Variants in ZGRF1 observed in about 807,000 individuals in gnomAD.
ZGRF1 encodes the protein 5'-3' DNA helicase ZGRF1.
Under a neutral mutation model 203.5 loss-of-function variants are expected in ZGRF1, and 196 were observed. The observed-to-expected ratio is 0.96, with a 90% CI of 0.86 to 1.08. ZGRF1 has a LOEUF of 1.08. Among genes scored for constraint, ZGRF1 ranks in the 50% least tolerant of loss-of-function variants. The pLI is 0.00. For synonymous variants in ZGRF1, 809 were observed against 841.3 expected (o/e 0.96, Z 0.66); for missense variants, 2,326 against 2,416.3 (o/e 0.96, Z 0.78).
chr4:112,558,532 T>G (rs1741377736), intron 19 of ZGRF1, among the ~76,000 whole-genome samples: 1 of 152,144 alleles, frequency 6.6e-6, no homozygotes, highest in Admixed American at 6.5e-5. Context: ...CACACCTGGC[T>G]AATTTTTGTA....
rs377410206 is a variant in ZGRF1, at chr4:112,579,457, A to C, written c.4438+2206T>G. ...CAACAGAAGGAAATAAAGGGTATTC[A>C]ATTAGGAAAAGAGGAAGTTAAATTG... On this transcript the variant is annotated intron_variant, in intron 16 of 27. Transcript: ENST00000505019. Among the ~76,000 whole-genome samples, 2 of 122,444 alleles carry C rather than the reference A, an allele frequency of 1.6e-5. 1 individual carries two copies. Among genetic ancestry groups the C allele is most frequent in the Non-Finnish European group, 3.6e-5 (2 of 55,008 alleles). The allele number at this position is 122,444 out of a possible 152,430, so 80.3% of individuals were successfully genotyped here. A position where few individuals can be genotyped will look rare whatever the true frequency, so the allele number is the denominator to read the frequency against.
rs1447116830 is a variant in ZGRF1 at position 112,618,354 on chromosome 4, A to G, written c.1688T>C (p.Ile563Thr). 4.3e-6 allele frequency: 7 copies of G among 1,613,780 alleles called. No individual in the cohort carries two copies. Among genetic ancestry groups the G allele is most frequent in the Non-Finnish European group, 5.1e-6 (6 of 1,179,914 alleles). Reference protein sequence around the residue: ...SQDSESWVKDILVNDGNSCFQ... With the variant: ...SQDSESWVKDTLVNDGNSCFQ... ...ACATGAATTGCCATCATTAACCAAA[A>G]TGTCCTTTACCCAACTCTCTGAATC... is the stretch of plus-strand genomic sequence containing the variant. Residue 563 changes from isoleucine (I) to threonine (T), a missense_variant, in exon 6 of 28, where the codon ATT (isoleucine) becomes ACT (threonine). Transcript: ENST00000505019.
At chr4:112,564,437 TATC>T (rs1170220406) in intron 16 of ZGRF1, among the ~76,000 whole-genome samples, 1 of 152,220 alleles carries the variant, frequency 6.6e-6, no homozygotes, top group African/African-American at 2.4e-5. Context: ...GGACAAAATC[TATC>T]AAATTGGATT....
intron 16 of ZGRF1, among the ~76,000 whole-genome samples, chr4:112,575,801 CA>C (rs1011846833): frequency 1.3e-5 from 2 of 152,200 alleles, no homozygotes; most frequent in Admixed American, 6.5e-5. Flanking sequence ...GGGTGGAGCC[CA>C]CCGCAGCTCA....
chr4:112,600,552 G>A (rs1438738094), intron 10 of ZGRF1, among the ~76,000 whole-genome samples: 3 of 151,934 alleles, frequency 2.0e-5, no homozygotes, highest in African/African-American at 7.3e-5. Context: ...ATTAGCTGGC[G>A]TGGTGGTGGG....
At chr4:112,635,855 A>C (rs2047601224) in intron 1 of ZGRF1, among the ~76,000 whole-genome samples, 2 of 151,944 alleles carry the variant, frequency 1.3e-5, no homozygotes, top group South Asian at 4.1e-4. Context: ...TGCAAGATAA[A>C]TTCTCCATTA....
chr4:112,609,466 G>A (rs1403959297), intron 7 of ZGRF1, 37 bp from the exon 8 acceptor site: 3 of 1,127,234 alleles, frequency 2.7e-6, no homozygotes, highest in East Asian at 5.2e-5. Context: ...TAAACTAATA[G>A]GCAATAATAA....
intron 3 of ZGRF1, among the ~76,000 whole-genome samples, chr4:112,629,450 G>A (rs562203271): frequency 3.4e-4 from 51 of 152,172 alleles, no homozygotes; most frequent in Non-Finnish European, 4.9e-4. Flanking sequence ...GCAGGCAGAC[G>A]GCTTGAGCTC....
intron 18 of ZGRF1, 84 bp downstream of exon 18, chr4:112,562,287 A>T: frequency 1.3e-6 from 1 of 745,732 alleles, no homozygotes; most frequent in Non-Finnish European, 2.4e-6. Context: ...CAACATTTAT[A>T]TACTGTACTT....
chr4:112,600,890 G>A (rs1177972252), intron 10 of ZGRF1, among the ~76,000 whole-genome samples: 3 of 152,138 alleles, frequency 2.0e-5, no homozygotes, highest in Non-Finnish European at 4.4e-5. Flanking sequence ...TGGGCTCCCA[G>A]AGATCGGGGC....
intron 6 of ZGRF1, among the ~76,000 whole-genome samples, chr4:112,616,484 C>G (rs2149146490): frequency 6.8e-6 from 1 of 148,112 alleles, no homozygotes; most frequent in East Asian, 2.0e-4. Context: ...GAGATCGCAC[C>G]ACTGCACTCC....
chr4:112,546,680 TG>T (rs1738838802), intron 24 of ZGRF1: 6 of 152,258 alleles, frequency 3.9e-5, no homozygotes, highest in Non-Finnish European at 8.8e-5. Flanking sequence ...TCCTGGTATA[TG>T]TGTGTGGGTT....
chr4:112,634,893 A>C (rs552919414), intron 1 of ZGRF1, among the ~76,000 whole-genome samples: 130 of 152,206 alleles, frequency 8.5e-4, no homozygotes, highest in African/African-American at 3.0e-3. Context: ...GCACTCTGGG[A>C]GGCCATGGCG....
Position 112,553,951 on chromosome 4 carries a change from G to C in ZGRF1, c.5230C>G (p.Gln1744Glu). 1 of 1,609,404 alleles carries C rather than the reference G, an allele frequency of 6.2e-7. No individual in the cohort carries two copies. Among genetic ancestry groups the C allele is most frequent in the Non-Finnish European group, 8.5e-7 (1 of 1,178,624 alleles). ...LHAGSENESE[Q>E]LKELHALMKE... is the part of the protein sequence containing the mutation. ...ATTAGTGCATGTAGTTCTTTTAACT[G>C]TTCACTTTCATTTTCTGAGCCAGCA... Residue 1744 changes from glutamine (Q) to glutamate (E), a missense_variant, in exon 22 of 28, where the codon CAG becomes GAG. Coordinates refer to ENST00000505019, the MANE Select transcript of ZGRF1 (RefSeq NM_018392.5).
rs1037141160 is a variant in ZGRF1 at position 112,606,003 on chromosome 4, T to C, written c.2802+5A>G. Reference sequence around the variant, plus strand: ...AAATAAATCGATGTTCTTCACAAATTTTACCTTAGGGTCACAGGTTTTTCT... The same window carrying C: ...AAATAAATCGATGTTCTTCACAAATCTTACCTTAGGGTCACAGGTTTTTCT... On this transcript the variant is annotated splice_donor_5th_base_variant and intron_variant, in intron 9 of 27. Coordinates refer to ENST00000505019, the MANE Select transcript of ZGRF1 (RefSeq NM_018392.5). 3 of 1,563,262 alleles carry C rather than the reference T, an allele frequency of 1.9e-6. No homozygotes were observed. Among genetic ancestry groups the C allele is most frequent in the South Asian group, 1.2e-5 (1 of 85,774 alleles).
chr4:112,587,362 A>G lies in ZGRF1; in HGVS notation c.3695T>C (p.Leu1232Ser). ...VSRKKVLSLN[L>S]KQTSKTEEIK... ...TTCCTCTGTCTTAGAAGTCTGCTTT[A>G]AATTCAGAGAAAGTACTTTCTTTCT... is the stretch of plus-strand genomic sequence containing the variant. The change falls in exon 12 of 28, where the codon TTA becomes TCA. Residue 1232 changes from leucine (L) to serine (S), a missense_variant. Coordinates refer to ENST00000505019, the MANE Select transcript of ZGRF1 (RefSeq NM_018392.5). 1 of 1,613,836 alleles carries G rather than the reference A, an allele frequency of 6.2e-7. No homozygotes were observed. Among genetic ancestry groups the G allele is most frequent in the South Asian group, 1.1e-5 (1 of 91,070 alleles).
intron 8 of ZGRF1, among the ~76,000 whole-genome samples, chr4:112,606,595 T>C (rs1560846648): frequency 2.6e-5 from 4 of 151,668 alleles, no homozygotes; most frequent in African/African-American, 7.3e-5. Flanking sequence ...GAGGCAGAGA[T>C]TGTGGTGAGC....
At chr4:112,628,835 T>C (rs2047318420) in intron 3 of ZGRF1, 1 of 437,802 alleles carries the variant, frequency 2.3e-6, no homozygotes, top group East Asian at 7.0e-5. Context: ...ATCTACAAGA[T>C]TTTAAAGACA....
intron 7 of ZGRF1, 57 bp downstream of exon 7, chr4:112,612,467 T>C: frequency 8.8e-7 from 1 of 1,133,370 alleles, no homozygotes; most frequent in Non-Finnish European, 1.3e-6. Flanking sequence ...CTATTACAAA[T>C]TATAGAACAT....
Sources: gnomAD v4.1 joint callset for allele counts (sites outside exome capture counted in the v4.1 genomes callset) on GRCh38, gnomAD v4.1.1 for gene constraint, MANE v1.5 for transcripts, NCBI Gene and HGNC (gene_info 2026-07-23, HGNC 2026-07-21) for gene names.